The following DHX40 variants were observed in gnomAD, a reference collection of about 807,000 sequenced individuals.
The protein encoded by DHX40 is probable ATP-dependent RNA helicase DHX40.
DHX40 carries 28 observed loss-of-function variants against 89.6 expected under a neutral mutation model. That is an observed-to-expected ratio of 0.31 (90% CI 0.23 to 0.43). The LOEUF is 0.43. Among genes scored for constraint, DHX40 ranks in the 20% least tolerant of loss-of-function variants. The pLI is 1.00. For missense variants in DHX40, 457 were observed against 844.0 expected, an observed-to-expected ratio of 0.54 and a Z score of 5.68; for synonymous variants, 226 against 283.6, an observed-to-expected ratio of 0.80 and a Z score of 2.04.
chr17:59,593,902 C>G (rs2049115316), intron 12 of DHX40, among the ~76,000 whole-genome samples: 2 of 149,786 alleles, frequency 1.3e-5, no homozygotes, highest in African/African-American at 4.9e-5. Context: ...TTGTCCTTGT[C>G]AACTCCAGCG....
intron 10 of DHX40, among the ~76,000 whole-genome samples, chr17:59,585,734 A>G (rs921843198): frequency 4.7e-5 from 7 of 148,394 alleles, no homozygotes; most frequent in African/African-American, 1.0e-4. Context: ...AAAAAAAAGC[A>G]TTTTGAGGTA....
Position 59,607,072 on chromosome 17 carries a change from G to A in DHX40, c.2240G>A (p.Arg747Lys). The A allele has an allele frequency of 6.2e-7, 1 of 1,614,072 alleles. No individual in the cohort carries two copies. The highest frequency in any genetic ancestry group is 8.5e-7 in the Non-Finnish European group (1 of 1,180,010). Residue 747 changes from arginine to lysine, a missense_variant, in exon 18 of 18, where the codon AGA (arginine) becomes AAA (lysine). Physicochemically the swap from Arg to Lys is conservative, Grantham distance 26. This residue lies in a region of DHX40 where 120 missense variants were observed against 161.7 expected (regional missense o/e 0.74). Coordinates refer to ENST00000251241, the MANE Select transcript of DHX40 (RefSeq NM_024612.5). ...SKDVLKKMQR[R>K]NDDKSISDAR... is the part of the protein sequence containing the mutation. ...GACGTCTTAAAGAAAATGCAAAGAAGAAATGATGACAAATCCATATCTGAT... is the reference window on the plus strand; with the variant it reads ...GACGTCTTAAAGAAAATGCAAAGAAAAAATGATGACAAATCCATATCTGAT...
At chr17:59,578,196 G>C (rs2048911604) in intron 8 of DHX40, among the ~76,000 whole-genome samples, 2 of 141,898 alleles carry the variant, frequency 1.4e-5, no homozygotes, top group South Asian at 4.8e-4. Context: ...TCTCCGGAAG[G>C]CTGAACCTGA....
chr17:59,598,164 G>A (rs2030230245), intron 12 of DHX40, among the ~76,000 whole-genome samples: 1 of 151,954 alleles, frequency 6.6e-6, no homozygotes, highest in South Asian at 2.1e-4. Context: ...ACCACACCTG[G>A]CCCTATATTG....
intron 5 of DHX40, 33 bp downstream of exon 5, chr17:59,574,000 A>G: frequency 8.3e-7 from 1 of 1,197,640 alleles, no homozygotes; most frequent in Non-Finnish European, 1.1e-6. Context: ...TGTCTTTTTT[A>G]AATATCTATG....
In DHX40 at chr17:59,601,207, G is replaced by T. The variant is rs182440813; in HGVS notation, c.1807-1315G>T. 4.7e-3 allele frequency among the ~76,000 whole-genome samples: 714 copies of T among 152,090 alleles called. 2 individuals are homozygous for T. Among genetic ancestry groups the T allele is most frequent in the Non-Finnish European group, 8.1e-3 (552 of 68,004 alleles). ...CACCTGTAGTGTCAGTTACTCAGCAGGGTGAGGTAGAGGATTGCTTGAGCC... is the reference window on the plus strand; with the variant it reads ...CACCTGTAGTGTCAGTTACTCAGCATGGTGAGGTAGAGGATTGCTTGAGCC... On this transcript the variant is annotated intron_variant, in intron 14 of 17. Coordinates refer to ENST00000251241, the MANE Select transcript of DHX40 (RefSeq NM_024612.5).
At chr17:59,600,140 T>C (rs2030398993) in intron 14 of DHX40, among the ~76,000 whole-genome samples, 1 of 152,070 alleles carries the variant, frequency 6.6e-6, no homozygotes, top group African/African-American at 2.4e-5. Context: ...CCTTTCATAA[T>C]CCATTGTCTC....
chr17:59,573,542 C>T (rs2048839595), intron 4 of DHX40, among the ~76,000 whole-genome samples, 198 bp from the exon 5 acceptor site: 1 of 152,148 alleles, frequency 6.6e-6, no homozygotes, highest in Non-Finnish European at 1.5e-5. Context: ...TTTTGTTTCC[C>T]TGGCAGGTCT....
chr17:59,605,358 T>C (rs1567903840), intron 16 of DHX40, 88 bp from the exon 17 acceptor site: 5 of 1,395,606 alleles, frequency 3.6e-6, no homozygotes, highest in African/African-American at 1.4e-5. Context: ...TAGGAATTAA[T>C]TGAGAAGGAT....
At chr17:59,603,111 A>G (rs933844426) in intron 15 of DHX40, among the ~76,000 whole-genome samples, 7 of 152,174 alleles carry the variant, frequency 4.6e-5, no homozygotes, top group African/African-American at 1.7e-4. Flanking sequence ...AATTGAACAC[A>G]TAACTCTGTG....
intron 3 of DHX40, among the ~76,000 whole-genome samples, chr17:59,572,605 C>T (rs1308796077): frequency 6.6e-6 from 1 of 152,106 alleles, no homozygotes; most frequent in Non-Finnish European, 1.5e-5. Flanking sequence ...TCTCGAACTC[C>T]TGGACTCAAG....
intron 3 of DHX40, 147 bp downstream of exon 3, chr17:59,570,810 G>A (rs963339703): frequency 1.1e-4 from 75 of 698,364 alleles, no homozygotes; most frequent in Middle Eastern, 4.4e-4. Context: ...AGCCCCTTGG[G>A]TAGCTGGGAC....
At chr17:59,596,769 G>C (rs1308672244) in intron 12 of DHX40, among the ~76,000 whole-genome samples, 1 of 152,048 alleles carries the variant, frequency 6.6e-6, no homozygotes, top group East Asian at 1.9e-4. Flanking sequence ...TTAAAGCATG[G>C]GATAGAAGAC....
chr17:59,601,233 T>C (rs1270645294), intron 14 of DHX40, among the ~76,000 whole-genome samples: 1 of 151,888 alleles, frequency 6.6e-6, no homozygotes, highest in Non-Finnish European at 1.5e-5. Context: ...TGCTTGAGCC[T>C]AGGAGATCCA....
intron 2 of DHX40, among the ~76,000 whole-genome samples, chr17:59,568,381 A>T (rs555723530): frequency 6.6e-6 from 1 of 152,272 alleles, no homozygotes; most frequent in South Asian, 2.1e-4. Context: ...TATTATTCTA[A>T]TGCTTCAATC....
At chr17:59,588,303 G>A (rs1312983042) in intron 12 of DHX40, among the ~76,000 whole-genome samples, 2 of 148,318 alleles carry the variant, frequency 1.3e-5, no homozygotes, top group African/African-American at 2.6e-5. Context: ...GAAAAATTTA[G>A]TAGGAAGTAC....
intron 10 of DHX40, among the ~76,000 whole-genome samples, chr17:59,581,072 A>G (rs1354861170): frequency 2.0e-5 from 3 of 150,568 alleles, no homozygotes; most frequent in Non-Finnish European, 4.4e-5. Flanking sequence ...ACAGAGCGAG[A>G]TTCTGTCTCA....
At position 59,596,219 on chromosome 17, in the gene DHX40, A is replaced by G. The variant is rs1431186319; in HGVS notation, c.1583-2518A>G. Among the ~76,000 whole-genome samples, 9 of 152,084 alleles carry G rather than the reference A, an allele frequency of 5.9e-5. No homozygotes were observed. In the East Asian group the frequency reaches 1.3e-3, roughly 23 times the overall value. ...CTAGGGCAATTTGACTTTTGGCATG[A>G]TATCTTCTGGGGGATGGCAGTTAGG... is the stretch of plus-strand genomic sequence containing the variant. On this transcript the variant is annotated intron_variant, in intron 12 of 17. Transcript: ENST00000251241.
At chr17:59,600,744 G>T (rs1029854107) in intron 14 of DHX40, among the ~76,000 whole-genome samples, 1 of 151,992 alleles carries the variant, frequency 6.6e-6, no homozygotes, top group Non-Finnish European at 1.5e-5. Flanking sequence ...CTACTCAGGA[G>T]GCTGAGGCAG....
Sources: gnomAD v4.1 joint callset for allele counts (sites outside exome capture counted in the v4.1 genomes callset) on GRCh38, gnomAD v4.1.1 for gene constraint, gnomAD v4.1.1 regional missense constraint, MANE v1.5 for transcripts, NCBI Gene and HGNC (gene_info 2026-07-23, HGNC 2026-07-21) for gene names.